Variants in G2E3 observed in about 807,000 individuals in gnomAD.
G2E3 encodes G2/M phase-specific E3 ubiquitin-protein ligase.
In G2E3, 35 loss-of-function variants were observed where a neutral mutation model predicts 92.8. The observed-to-expected ratio is 0.38, with a 90% CI of 0.29 to 0.50. G2E3 has a LOEUF of 0.50. Ranked by LOEUF, G2E3 falls within the 20% of genes least tolerant of loss-of-function variation. The pLI, the probability that G2E3 is intolerant of heterozygous loss-of-function variation, is 0.94. For synonymous variants in G2E3, 242 were observed against 272.4 expected, an observed-to-expected ratio of 0.89 and a Z score of 1.10; for missense variants, 554 against 823.8, an observed-to-expected ratio of 0.67 and a Z score of 4.01.
intron 3 of G2E3, among the ~76,000 whole-genome samples, chr14:30,587,023 GTGTTTGTT>G (rs780111700): frequency 2.0e-5 from 3 of 151,942 alleles, no homozygotes; most frequent in East Asian, 1.9e-4. Context: ...TCATTATTTC[GTGTTTGTT>G]TGTTTGTTTG....
At chr14:30,571,382 C>T (rs1190270911) in intron 1 of G2E3, among the ~76,000 whole-genome samples, 1 of 151,446 alleles carries the variant, frequency 6.6e-6, no homozygotes, top group Non-Finnish European at 1.5e-5. Context: ...ATATGTTTTG[C>T]CAGTGTTTAT....
At chr14:30,576,787 ATCAAG>A (rs1388737489) in intron 1 of G2E3, among the ~76,000 whole-genome samples, 1 of 152,202 alleles carries the variant, frequency 6.6e-6, no homozygotes, top group Admixed American at 6.5e-5. Context: ...AGTGATTTAA[ATCAAG>A]TCATTTCTAT....
In G2E3 at chr14:30,619,752, C is replaced by G. The variant is rs1882477273; in HGVS notation, c.*3218C>G. 1 of 151,704 alleles carries G rather than the reference C, an allele frequency of 6.6e-6. No individual in the cohort carries two copies. Among genetic ancestry groups the G allele is most frequent in the Non-Finnish European group, 1.5e-5 (1 of 67,888 alleles). 9.4% of individuals were successfully genotyped at this position (151,704 alleles called of 1,614,324 possible). On this transcript the variant is annotated 3_prime_UTR_variant, in exon 15 of 15. Coordinates refer to ENST00000206595, the MANE Select transcript of G2E3 (RefSeq NM_017769.5). Reference sequence around the variant, plus strand: ...CGTTTATATGTCAGCCTATTTCCCCCCCTTTTAAAGACTGCCAGATTAACC... The same window carrying G: ...CGTTTATATGTCAGCCTATTTCCCCGCCTTTTAAAGACTGCCAGATTAACC...
At chr14:30,609,855 G>A (rs1162404155) in intron 12 of G2E3, among the ~76,000 whole-genome samples, 1 of 151,942 alleles carries the variant, frequency 6.6e-6, no homozygotes, top group Non-Finnish European at 1.5e-5. Context: ...TATATGTCAA[G>A]TCACCTGCCT....
intron 1 of G2E3, among the ~76,000 whole-genome samples, chr14:30,567,076 TG>T (rs1376970072): frequency 6.6e-6 from 1 of 152,188 alleles, no homozygotes; most frequent in Non-Finnish European, 1.5e-5. Flanking sequence ...ATCAGTTTGC[TG>T]GTAGTTTGTT....
intron 1 of G2E3, chr14:30,560,628 T>G (rs1879037767): frequency 1.8e-6 from 1 of 564,312 alleles, no homozygotes; most frequent in African/African-American, 1.9e-5. Context: ...TTTTTAAAAA[T>G]TGATCGCTAT....
At chr14:30,572,286 T>A (rs1879812883) in intron 1 of G2E3, among the ~76,000 whole-genome samples, 1 of 152,200 alleles carries the variant, frequency 6.6e-6, no homozygotes, top group South Asian at 2.1e-4. Flanking sequence ...TACTTCATCC[T>A]TCACAGTTTT....
intron 10 of G2E3, chr14:30,602,597 A>G (rs1594503142): frequency 6.6e-6 from 1 of 152,466 alleles, no homozygotes. Context: ...CCTATTTAAT[A>G]TAGAAATTTT....
intron 12 of G2E3, among the ~76,000 whole-genome samples, chr14:30,609,468 C>T (rs985118764): frequency 6.6e-6 from 1 of 152,092 alleles, no homozygotes; most frequent in African/African-American, 2.4e-5. Context: ...GTACTTCCTC[C>T]TACTTCTGAT....
At chr14:30,589,195 G>A (rs1455403641) in intron 3 of G2E3, among the ~76,000 whole-genome samples, 188 bp from the exon 4 acceptor site, 1 of 151,912 alleles carries the variant, frequency 6.6e-6, no homozygotes, top group African/African-American at 2.4e-5. Context: ...AATATACAGT[G>A]CCATCTAAAT....
rs986207414 is a variant in G2E3, at chr14:30,560,955, C to T, written c.-5+1683C>T. 2.0e-4 allele frequency: 121 copies of T among 609,016 alleles called. 2 individuals carry two copies. The South Asian group carries it at 2.3e-3, about 11-fold the overall frequency. 37.7% of individuals were successfully genotyped at this position (609,016 alleles called of 1,614,324 possible). A position where few individuals can be genotyped will look rare whatever the true frequency, so the allele number is the denominator to read the frequency against. On this transcript the variant is annotated intron_variant, in intron 1 of 14. Transcript: ENST00000206595. ...GGCCAGATTGCCTTGGTTTGAAGCC[C>T]ATCTCCACCACTTGATAGCTAGGTG... is the stretch of plus-strand genomic sequence containing the variant.
intron 8 of G2E3, among the ~76,000 whole-genome samples, chr14:30,598,944 G>C (rs1259174347): frequency 6.6e-6 from 1 of 152,146 alleles, no homozygotes; most frequent in Non-Finnish European, 1.5e-5. Flanking sequence ...TAGTTCACTA[G>C]GGCTGCCATT....
At position 30,616,581 on chromosome 14, in the gene G2E3, T is replaced by A; in HGVS notation, c.*47T>A. On this transcript the variant is annotated 3_prime_UTR_variant, in exon 15 of 15. Coordinates refer to ENST00000206595, the MANE Select transcript of G2E3 (RefSeq NM_017769.5). ...AAGCTTCTTTAAAAGCTGCTATTGA[T>A]AACTCTCTTTTATTTCACTAACCTT... 7.2e-7 allele frequency: 1 copy of A among 1,393,756 alleles called. No individual in the cohort carries two copies. Among genetic ancestry groups the A allele is most frequent in the African/African-American group, 1.5e-5 (1 of 68,846 alleles). 86.3% of individuals were successfully genotyped at this position (1,393,756 alleles called of 1,614,324 possible).
chr14:30,586,478 A>G (rs1880719508), intron 2 of G2E3, among the ~76,000 whole-genome samples: 2 of 152,194 alleles, frequency 1.3e-5, no homozygotes, highest in African/African-American at 4.8e-5. Context: ...CAGTGACGTT[A>G]CTTCATAAAT....
chr14:30,611,820 C>T (rs1183208325), intron 12 of G2E3: 6 of 152,014 alleles, frequency 3.9e-5, no homozygotes, highest in African/African-American at 5.0e-5. Context: ...CACACCAGGC[C>T]TTTTTTTTTT....
At position 30,594,148 on chromosome 14, in the gene G2E3, T is replaced by C. The variant is rs557717102; in HGVS notation, c.528+509T>C. On this transcript the variant is annotated intron_variant, in intron 6 of 14. Transcript: ENST00000206595. ...GAGAGTCATCTTACGTATCAAACCT[T>C]ATTACTACTTTTCAAGTAAATAGAA... Among the ~76,000 whole-genome samples, 17 of 152,322 alleles carry C rather than the reference T, an allele frequency of 1.1e-4. No homozygotes were observed. The East Asian group carries it at 2.7e-3, about 24-fold the overall frequency.
intron 1 of G2E3, among the ~76,000 whole-genome samples, chr14:30,575,756 A>G (rs112958695): frequency 6.6e-5 from 10 of 152,210 alleles, no homozygotes; most frequent in Admixed American, 5.2e-4. Flanking sequence ...CAGAAAGGCA[A>G]TCCCATTCAC....
At chr14:30,569,671 TTGGTCAG>T (rs1161259989) in intron 1 of G2E3, among the ~76,000 whole-genome samples, 1 of 152,108 alleles carries the variant, frequency 6.6e-6, no homozygotes, top group Non-Finnish European at 1.5e-5. Flanking sequence ...AGAGCCTGAC[TTGGTCAG>T]TGGAAGGGGC....
intron 13 of G2E3, among the ~76,000 whole-genome samples, 199 bp downstream of exon 13, chr14:30,612,578 G>A (rs904615769): frequency 2.0e-5 from 3 of 151,748 alleles, no homozygotes; most frequent in Non-Finnish European, 2.9e-5. Flanking sequence ...TGTAGGTCGG[G>A]CATGGTGGCT....
Sources: allele counts gnomAD v4.1 joint callset (sites outside exome capture counted in the v4.1 genomes callset), GRCh38; gene constraint gnomAD v4.1.1; transcripts MANE v1.5; gene names NCBI Gene and HGNC (gene_info 2026-07-23, HGNC 2026-07-21).